The following CADM2 variants were observed in gnomAD, a reference collection of about 807,000 sequenced individuals.
The protein encoded by CADM2 is immunoglobulin superfamily member 4D.
A neutral mutation model predicts 49.8 loss-of-function variants in CADM2; 12 were observed. The observed-to-expected ratio is 0.24, with a 90% CI of 0.15 to 0.39. The LOEUF is 0.39. CADM2 is among the 10% of genes least tolerant of loss of function. The pLI is 1.00. For missense variants in CADM2, 378 were observed against 492.3 expected (o/e 0.77, Z 2.20); for synonymous variants, 214 against 175.4 (o/e 1.22, Z -1.74).
intron 8 of CADM2, among the ~76,000 whole-genome samples, chr3:85,974,597 A>G (rs2108650804): frequency 6.6e-6 from 1 of 151,804 alleles, no homozygotes; most frequent in East Asian, 2.0e-4. Context: ...ATCATATTCA[A>G]GTTTAGCCAT....
intron 1 of CADM2, among the ~76,000 whole-genome samples, chr3:85,303,204 A>G (rs2044140872): frequency 6.6e-6 from 1 of 152,132 alleles, no homozygotes; most frequent in African/African-American, 2.4e-5. Context: ...GGAAGTGCAC[A>G]AAAGAGCTGT....
intron 1 of CADM2, among the ~76,000 whole-genome samples, chr3:84,972,558 A>G (rs1257823775): frequency 1.3e-5 from 2 of 152,220 alleles, no homozygotes; most frequent in Admixed American, 6.5e-5. Context: ...GATCAATTCT[A>G]TAAATTAGGA....
At chr3:85,393,679 T>C (rs2034626587) in intron 1 of CADM2, among the ~76,000 whole-genome samples, 1 of 152,158 alleles carries the variant, frequency 6.6e-6, no homozygotes, top group Admixed American at 6.5e-5. Context: ...AGTGCTTCTT[T>C]TAATGGAGCC....
rs2044592761 is a variant in CADM2, at chr3:85,321,112, ATATATTTTTTTTTTTTTTTTTTT to A, written c.61+361446_61+361468del. Among the ~76,000 whole-genome samples, 37 of 35,858 alleles carry A rather than the reference ATATATTTTTTTTTTTTTTTTTTT, an allele frequency of 1.0e-3. 2 individuals are homozygous for A. The highest frequency in any genetic ancestry group is 1.9e-3 in the South Asian group (2 of 1,060). 23.5% of individuals were successfully genotyped at this position (35,858 alleles called of 152,430 possible). A position where few individuals can be genotyped will look rare whatever the true frequency, so the allele number is the denominator to read the frequency against. On this transcript the variant is annotated intron_variant, in intron 1 of 9. Coordinates refer to ENST00000383699, the MANE Select transcript of CADM2 (RefSeq NM_001167675.2). ...TATACATATATATATATATATATAT[ATATATTTTTTTTTTTTTTTTTTT>A]TTTTTTTTTTTTTTTTTTTTTTTTT...
chr3:86,009,092 A>AGTGTGTGTGT (rs3042197), intron 8 of CADM2, among the ~76,000 whole-genome samples: 1 of 145,368 alleles, frequency 6.9e-6, no homozygotes, highest in Non-Finnish European at 1.5e-5. Context: ...TTGGTGTTAT[A>AGTGTGTGTGT]GTGTGTGTGT....
At chr3:85,938,432 A>C (rs567861126) in intron 7 of CADM2, among the ~76,000 whole-genome samples, 10 of 152,178 alleles carry the variant, frequency 6.6e-5, no homozygotes, top group Non-Finnish European at 1.2e-4. Flanking sequence ...TATCAACTTC[A>C]AAAAATGAAT....
At chr3:85,737,780 G>A (rs1027700390) in intron 2 of CADM2, among the ~76,000 whole-genome samples, 1 of 151,880 alleles carries the variant, frequency 6.6e-6, no homozygotes, top group Non-Finnish European at 1.5e-5. Flanking sequence ...GGATTGTCTC[G>A]ATCTCCTGAC....
intron 8 of CADM2, among the ~76,000 whole-genome samples, chr3:86,001,176 A>G (rs892215260): frequency 6.6e-6 from 1 of 152,200 alleles, no homozygotes; most frequent in Non-Finnish European, 1.5e-5. Context: ...GTTGCCATTC[A>G]GTGAGATAGG....
chr3:85,291,482 A>C (rs901024838), intron 1 of CADM2, among the ~76,000 whole-genome samples: 1 of 148,352 alleles, frequency 6.7e-6, no homozygotes, highest in African/African-American at 2.6e-5. Flanking sequence ...AAGACACATA[A>C]TTGTCAGATT....
chr3:85,396,909 G>T (rs1266107418), intron 1 of CADM2, among the ~76,000 whole-genome samples: 1 of 151,922 alleles, frequency 6.6e-6, no homozygotes, highest in Non-Finnish European at 1.5e-5. Context: ...AGATAAATTG[G>T]TCTTCATCAA....
At chr3:85,185,978 A>G (rs1483261041) in intron 1 of CADM2, among the ~76,000 whole-genome samples, 1 of 152,178 alleles carries the variant, frequency 6.6e-6, no homozygotes, top group East Asian at 1.9e-4. Flanking sequence ...AGCTTGATCT[A>G]TCTAGCATTA....
chr3:85,274,093 T>A, intron 1 of CADM2, among the ~76,000 whole-genome samples: 1 of 151,378 alleles, frequency 6.6e-6, no homozygotes, highest in Non-Finnish European at 1.5e-5. Flanking sequence ...GAATTGCAAA[T>A]AGGATTTAGC....
chr3:85,756,191 A>G (rs1333757732), intron 2 of CADM2, among the ~76,000 whole-genome samples: 4 of 152,146 alleles, frequency 2.6e-5, no homozygotes, highest in African/African-American at 7.2e-5. Flanking sequence ...CACAGCATAA[A>G]AAGAGATTTA....
chr3:85,397,282 A>T (rs1456371139), intron 1 of CADM2, among the ~76,000 whole-genome samples: 1 of 152,160 alleles, frequency 6.6e-6, no homozygotes, highest in Non-Finnish European at 1.5e-5. Context: ...GGATGAGGAC[A>T]AGTTGAAATC....
intron 1 of CADM2, among the ~76,000 whole-genome samples, chr3:85,326,269 A>G (rs1159169096): frequency 1.3e-5 from 2 of 152,110 alleles, no homozygotes; most frequent in African/African-American, 4.8e-5. Flanking sequence ...TTCTAGTGAA[A>G]TATAATGATT....
intron 1 of CADM2, among the ~76,000 whole-genome samples, chr3:85,430,008 C>T (rs749298880): frequency 1.3e-4 from 19 of 151,922 alleles, no homozygotes; most frequent in African/African-American, 4.1e-4. Context: ...TTGTAAATAA[C>T]GGGATTAGAT....
intron 1 of CADM2, among the ~76,000 whole-genome samples, chr3:85,146,119 G>A (rs2039731357): frequency 6.6e-6 from 1 of 152,134 alleles, no homozygotes; most frequent in African/African-American, 2.4e-5. Flanking sequence ...TAGGATTGCT[G>A]CGAGTTAATA....
intron 1 of CADM2, among the ~76,000 whole-genome samples, chr3:85,085,971 A>T (rs540952747): frequency 1.2e-4 from 19 of 152,306 alleles, no homozygotes; most frequent in Middle Eastern, 3.4e-3. Context: ...GCACATCGTC[A>T]TAATGGGAAG....
chr3:85,694,013 G>A (rs550824033), intron 1 of CADM2, among the ~76,000 whole-genome samples: 1 of 151,634 alleles, frequency 6.6e-6, no homozygotes, highest in Non-Finnish European at 1.5e-5. Flanking sequence ...ACCGACTTTT[G>A]GTAGTTTTGT....
Sources: gnomAD v4.1 joint callset for allele counts (sites outside exome capture counted in the v4.1 genomes callset) on GRCh38, gnomAD v4.1.1 for gene constraint, MANE v1.5 for transcripts, NCBI Gene and HGNC (gene_info 2026-07-23, HGNC 2026-07-21) for gene names.